FOXJ3: variants seen among roughly 807,000 people sequenced by gnomAD.
FOXJ3 encodes forkhead box protein J3.
FOXJ3 carries 22 observed loss-of-function variants against 76.1 expected under a neutral mutation model. The observed-to-expected ratio is 0.29, with a 90% CI of 0.21 to 0.41. FOXJ3 has a LOEUF of 0.41. Among genes scored for constraint, FOXJ3 ranks in the 10% least tolerant of loss-of-function variants. The pLI is 1.00. For synonymous variants in FOXJ3, 269 were observed against 261.2 expected (o/e 1.03, Z -0.29); for missense variants, 613 against 762.1 (o/e 0.80, Z 2.30).
intron 1 of FOXJ3, among the ~76,000 whole-genome samples, chr1:42,326,269 CCACA>C (rs1362574846): frequency 6.6e-6 from 1 of 152,084 alleles, no homozygotes; most frequent in African/African-American, 2.4e-5. Flanking sequence ...GTCCGAAGAT[CCACA>C]TTTTTCCAAA....
intron 4 of FOXJ3, among the ~76,000 whole-genome samples, chr1:42,249,265 C>T (rs936474716): frequency 4.6e-5 from 7 of 152,030 alleles, no homozygotes; most frequent in Non-Finnish European, 7.4e-5. Flanking sequence ...AAGAAATAGA[C>T]GTAAATGAGT....
intron 3 of FOXJ3, among the ~76,000 whole-genome samples, chr1:42,275,040 T>C (rs776022434): frequency 1.3e-5 from 2 of 152,162 alleles, no homozygotes; most frequent in African/African-American, 4.8e-5. Flanking sequence ...AAAGGTAGAT[T>C]GGGACCAAGA....
intron 2 of FOXJ3, among the ~76,000 whole-genome samples, chr1:42,303,474 T>C (rs558814391): frequency 2.0e-5 from 3 of 152,288 alleles, no homozygotes; most frequent in East Asian, 3.9e-4. Context: ...GCAAGAAGGC[T>C]TGAAATAAAT....
intron 2 of FOXJ3, among the ~76,000 whole-genome samples, chr1:42,305,786 C>A (rs1398727952): frequency 6.6e-6 from 1 of 152,106 alleles, no homozygotes; most frequent in African/African-American, 2.4e-5. Context: ...TGACTAAGAC[C>A]TTGTGTTTGA....
chr1:42,268,487 A>G (rs1651636431), intron 3 of FOXJ3, among the ~76,000 whole-genome samples: 1 of 152,142 alleles, frequency 6.6e-6, no homozygotes, highest in Admixed American at 6.5e-5. Context: ...ATAAATGAAC[A>G]GTGCCGGAAA....
intron 8 of FOXJ3, 55 bp downstream of exon 8, chr1:42,194,835 T>C: frequency 8.7e-7 from 1 of 1,154,452 alleles, no homozygotes; most frequent in Non-Finnish European, 1.2e-6. Context: ...TGAAATAATT[T>C]AAAAACCTTT....
At chr1:42,190,143 C>A (rs1326756120) in intron 9 of FOXJ3, among the ~76,000 whole-genome samples, 1 of 152,148 alleles carries the variant, frequency 6.6e-6, no homozygotes, top group Non-Finnish European at 1.5e-5. Flanking sequence ...GCAAACCAGT[C>A]ATTAGTCAGA....
At chr1:42,205,894 T>G in intron 5 of FOXJ3, 31 bp from the exon 6 acceptor site, 1 of 1,268,066 alleles carries the variant, frequency 7.9e-7, no homozygotes, top group Non-Finnish European at 1.1e-6. Context: ...AAATAATTAT[T>G]AGCTCATATA....
chr1:42,186,806 A>T (rs1646445810), intron 11 of FOXJ3, among the ~76,000 whole-genome samples: 1 of 152,174 alleles, frequency 6.6e-6, no homozygotes, highest in Non-Finnish European at 1.5e-5. Context: ...CACCAACATG[A>T]GAGCTGCTGC....
chr1:42,249,803 G>A (rs765172044), intron 4 of FOXJ3, among the ~76,000 whole-genome samples: 14 of 152,150 alleles, frequency 9.2e-5, no homozygotes, highest in Admixed American at 5.2e-4. Context: ...TACATCATTC[G>A]GGAGCTATAA....
At chr1:42,299,067 T>C (rs1183482154) in intron 2 of FOXJ3, among the ~76,000 whole-genome samples, 2 of 152,192 alleles carry the variant, frequency 1.3e-5, no homozygotes, top group Non-Finnish European at 2.9e-5. Flanking sequence ...GCCAAGCATA[T>C]GGTCAATTTT....
chr1:42,282,308 G>A (rs1652774523), intron 2 of FOXJ3, among the ~76,000 whole-genome samples: 1 of 152,044 alleles, frequency 6.6e-6, no homozygotes, highest in Non-Finnish European at 1.5e-5. Context: ...ATCATATCCA[G>A]TCCATGCATA....
intron 1 of FOXJ3, among the ~76,000 whole-genome samples, chr1:42,334,748 T>TCCACGTCTGGTTCCCCGGTGC (rs1553172134): frequency 1.3e-5 from 2 of 150,598 alleles, no homozygotes; most frequent in Non-Finnish European, 3.0e-5. Context: ...GCCCCCGGGA[T>TCCACGTCTGGTTCCCCGGTGC]CCACGTCTGG....
intron 5 of FOXJ3, among the ~76,000 whole-genome samples, chr1:42,225,287 A>C (rs1370561288): frequency 2.0e-5 from 3 of 152,186 alleles, no homozygotes; most frequent in Non-Finnish European, 4.4e-5. Context: ...TTATCCTTTA[A>C]ATGTCTGAAG....
chr1:42,198,563 G>C (rs1646698501), intron 7 of FOXJ3, among the ~76,000 whole-genome samples: 1 of 152,158 alleles, frequency 6.6e-6, no homozygotes, highest in South Asian at 2.1e-4. Flanking sequence ...TCATGTTCTT[G>C]TAATAGGTAA....
intron 7 of FOXJ3, among the ~76,000 whole-genome samples, chr1:42,195,388 T>C (rs958412563): frequency 6.6e-6 from 1 of 152,212 alleles, no homozygotes; most frequent in Non-Finnish European, 1.5e-5. Flanking sequence ...TGTAGAATCT[T>C]CAATCTTGAT....
At chr1:42,294,912 A>G (rs755373052) in intron 2 of FOXJ3, among the ~76,000 whole-genome samples, 6 of 152,236 alleles carry the variant, frequency 3.9e-5, no homozygotes, top group Non-Finnish European at 8.8e-5. Flanking sequence ...GGTTTCTAAC[A>G]GTATTTCATC....
chr1:42,306,662 C>A (rs1034349308), intron 2 of FOXJ3, among the ~76,000 whole-genome samples: 1 of 152,104 alleles, frequency 6.6e-6, no homozygotes, highest in Non-Finnish European at 1.5e-5. Flanking sequence ...ATGTGAATGG[C>A]CTGCTATCCC....
At chr1:42,292,264 C>G (rs1022499981) in intron 2 of FOXJ3, among the ~76,000 whole-genome samples, 7 of 152,184 alleles carry the variant, frequency 4.6e-5, no homozygotes, top group Admixed American at 2.6e-4. Context: ...GCATATGGAG[C>G]AAATGGAACT....
Sources: allele counts gnomAD v4.1 joint callset (sites outside exome capture counted in the v4.1 genomes callset), GRCh38; gene constraint gnomAD v4.1.1; transcripts MANE v1.5; gene names NCBI Gene and HGNC (gene_info 2026-07-23, HGNC 2026-07-21).